The following NPSR1 variants were observed in gnomAD, a reference collection of about 807,000 sequenced individuals.
NPSR1 encodes the protein neuropeptide S receptor 1, also known as neuropeptide S receptor.
NPSR1 carries 48 observed loss-of-function variants against 46.9 expected under a neutral mutation model. That is an observed-to-expected ratio of 1.02 (90% CI 0.81 to 1.30). The LOEUF is 1.30. Ranked by LOEUF, NPSR1 falls within the 50% of genes most tolerant of loss-of-function variation. NPSR1 has a pLI of 0.00. For missense variants in NPSR1, 450 were observed against 449.5 expected (o/e 1.00, Z -0.01); for synonymous variants, 176 against 168.1 (o/e 1.05, Z -0.36).
At chr7:34,815,945 C>T (rs529564959) in intron 4 of NPSR1, among the ~76,000 whole-genome samples, 49 of 152,304 alleles carry the variant, frequency 3.2e-4, no homozygotes, top group African/African-American at 1.1e-3. Context: ...ACAACCAGTA[C>T]CAGCCACTAC....
chr7:34,823,472 AAGAAT>A (rs1789673835), intron 4 of NPSR1, among the ~76,000 whole-genome samples: 1 of 151,224 alleles, frequency 6.6e-6, no homozygotes, highest in Non-Finnish European at 1.5e-5. Flanking sequence ...CTACTAATTA[AAGAAT>A]TGCAAAATTG....
chr7:34,731,029 A>AT (rs1244910407), intron 2 of NPSR1, among the ~76,000 whole-genome samples: 3 of 152,182 alleles, frequency 2.0e-5, no homozygotes, highest in South Asian at 2.1e-4. Context: ...ATAGAAAAAG[A>AT]TTTTTTAAGC....
intron 8 of NPSR1, among the ~76,000 whole-genome samples, chr7:34,869,233 G>A (rs1160587343): frequency 1.3e-5 from 2 of 151,656 alleles, no homozygotes; most frequent in Non-Finnish European, 2.9e-5. Flanking sequence ...GCATAACCAA[G>A]CGGAGGCAAA....
At chr7:34,811,480 C>G (rs565596405) in intron 3 of NPSR1, among the ~76,000 whole-genome samples, 1 of 152,242 alleles carries the variant, frequency 6.6e-6, no homozygotes, top group South Asian at 2.1e-4. Flanking sequence ...GGGCATGTAG[C>G]TGGCCAAAAG....
intron 2 of NPSR1, among the ~76,000 whole-genome samples, chr7:34,737,398 A>G (rs1244569936): frequency 1.3e-5 from 2 of 152,120 alleles, no homozygotes; most frequent in Admixed American, 6.5e-5. Flanking sequence ...TTTTCCCTCC[A>G]TCTCGCACTG....
At chr7:34,829,197 C>T (rs1204271967) in intron 5 of NPSR1, among the ~76,000 whole-genome samples, 1 of 152,154 alleles carries the variant, frequency 6.6e-6, no homozygotes, top group Non-Finnish European at 1.5e-5. Flanking sequence ...AAGAAGTTAA[C>T]TGCCTTGCCC....
chr7:34,792,734 T>TATTTTTATATATATATG (rs58315247), intron 3 of NPSR1, among the ~76,000 whole-genome samples: 1 of 123,306 alleles, frequency 8.1e-6, no homozygotes, highest in Non-Finnish European at 1.7e-5. Context: ...TATATATATA[T>TATTTTTATATATATATG]TAGCCAGGCA....
rs144637350 is a variant in NPSR1 at position 34,688,532 on chromosome 7, A to C, written c.280+3848A>C. Among the ~76,000 whole-genome samples, 216 of 152,272 alleles carry C rather than the reference A, an allele frequency of 1.4e-3. 2 individuals are homozygous for C. Among genetic ancestry groups the C allele is most frequent in the African/African-American group, 5.1e-3 (212 of 41,562 alleles). On this transcript the variant is annotated intron_variant, in intron 2 of 8. Transcript: ENST00000360581. ...CACAAAGAACTCCCTTTCCACACAA[A>C]GAACTTGGTGTAGTGGCAGTTCCTC...
intron 4 of NPSR1, among the ~76,000 whole-genome samples, chr7:34,822,416 C>T (rs1584097547): frequency 6.6e-6 from 1 of 152,150 alleles, no homozygotes; most frequent in Admixed American, 6.5e-5. Context: ...GAGGGGAGGC[C>T]ATATTTTATT....
chr7:34,845,860 G>T (rs1383999964), intron 7 of NPSR1, among the ~76,000 whole-genome samples: 1 of 152,168 alleles, frequency 6.6e-6, no homozygotes, highest in Non-Finnish European at 1.5e-5. Context: ...AAAGGGATTT[G>T]TGCTATTTTC....
intron 3 of NPSR1, among the ~76,000 whole-genome samples, chr7:34,789,440 G>C (rs1219416225): frequency 6.6e-6 from 1 of 151,794 alleles, no homozygotes; most frequent in African/African-American, 2.4e-5. Flanking sequence ...AGAAATGAAA[G>C]CTGAGACATT....
At chr7:34,812,606 C>T (rs561472769) in intron 4 of NPSR1, among the ~76,000 whole-genome samples, 32 of 152,280 alleles carry the variant, frequency 2.1e-4, no homozygotes, top group Non-Finnish European at 4.4e-4. Context: ...GAGAGGGGCC[C>T]TGGGGAGCAG....
intron 1 of NPSR1, among the ~76,000 whole-genome samples, chr7:34,674,140 G>C (rs950343523): frequency 2.6e-5 from 4 of 152,156 alleles, no homozygotes; most frequent in African/African-American, 9.7e-5. Context: ...ACCTTGACTG[G>C]TTATTGACCA....
chr7:34,695,004 A>G (rs1236874178), intron 2 of NPSR1, among the ~76,000 whole-genome samples: 1 of 152,128 alleles, frequency 6.6e-6, no homozygotes, highest in Non-Finnish European at 1.5e-5. Context: ...CACCGTGCCT[A>G]GCATAGCCAA....
intron 2 of NPSR1, among the ~76,000 whole-genome samples, chr7:34,747,534 T>G (rs1448499095): frequency 6.6e-6 from 1 of 152,152 alleles, no homozygotes; most frequent in Non-Finnish European, 1.5e-5. Flanking sequence ...TGCTGACAGC[T>G]AAGTGCAAGG....
At chr7:34,858,866 G>A (rs191878788) in intron 8 of NPSR1, among the ~76,000 whole-genome samples, 8 of 151,866 alleles carry the variant, frequency 5.3e-5, no homozygotes, top group African/African-American at 1.7e-4. Flanking sequence ...GAGATCTGGG[G>A]GGGGGACACA....
Position 34,827,423 on chromosome 7 carries a change from T to C in NPSR1, c.501T>C (p.Ile167=). The change falls in exon 5 of 9, where the codon ATT becomes ATC. Residue 167 remains isoleucine (I), a synonymous_variant. Coordinates refer to ENST00000360581, the MANE Select transcript of NPSR1 (RefSeq NM_207172.2). ...LQGEKQARVL[I]VIAWSLSFLF... is the part of the protein sequence containing the mutation. The stretch of plus-strand genomic sequence containing the variant: ...CAGAAAAGCAAGCCAGGGTCCTCAT[T>C]GTGATCGCCTGGAGCCTGTCTTTTC... 6.2e-7 allele frequency: 1 copy of C among 1,614,084 alleles called. No homozygotes were observed. The highest frequency in any genetic ancestry group is 1.3e-5 in the African/African-American group (1 of 75,012).
chr7:34,749,823 GT>G (rs1423859085), intron 2 of NPSR1, among the ~76,000 whole-genome samples: 1 of 152,296 alleles, frequency 6.6e-6, no homozygotes, highest in East Asian at 1.9e-4. Context: ...TCTGTTGAAT[GT>G]TTTAAATTCA....
chr7:34,723,683 T>C (rs1350608616), intron 2 of NPSR1, among the ~76,000 whole-genome samples: 3 of 152,034 alleles, frequency 2.0e-5, no homozygotes, highest in Non-Finnish European at 4.4e-5. Flanking sequence ...CTATCCAGCC[T>C]TTTTTTGAGA....
Sources: allele counts gnomAD v4.1 joint callset (sites outside exome capture counted in the v4.1 genomes callset), GRCh38; gene constraint gnomAD v4.1.1; transcripts MANE v1.5; gene names NCBI Gene and HGNC (gene_info 2026-07-23, HGNC 2026-07-21).